MIPOL1: variants seen among roughly 807,000 people sequenced by gnomAD.
MIPOL1 encodes mirror-image polydactyly 1.
Under a neutral mutation model 60.9 loss-of-function variants are expected in MIPOL1, and 57 were observed. That is an observed-to-expected ratio of 0.94 (90% CI 0.76 to 1.17). The LOEUF is 1.17. Ranked by LOEUF, MIPOL1 falls within the 50% of genes most tolerant of loss-of-function variation. The pLI, the probability that MIPOL1 is intolerant of heterozygous loss-of-function variation, is 0.00. For synonymous variants in MIPOL1, 179 were observed against 168.8 expected (o/e 1.06, Z -0.47); for missense variants, 551 against 511.6 (o/e 1.08, Z -0.74).
At chr14:37,395,169 G>T (rs999072795) in intron 10 of MIPOL1, among the ~76,000 whole-genome samples, 2 of 152,146 alleles carry the variant, frequency 1.3e-5, no homozygotes, top group African/African-American at 4.8e-5. Context: ...TAGCCTTATA[G>T]TATAGTTTGA....
Position 37,500,126 on chromosome 14 carries a change from A to C in MIPOL1, c.1250A>C (p.Glu417Ala). 1 of 1,601,896 alleles carries C rather than the reference A, an allele frequency of 6.2e-7. No individual in the cohort carries two copies. Among genetic ancestry groups the C allele is most frequent in the Non-Finnish European group, 8.5e-7 (1 of 1,173,558 alleles). ...AGAGAGGCCTCCCAAGTGGCCAATGAAAAAGTTCAAAAGTAAGTTAAATGA... is the reference window on the plus strand; with the variant it reads ...AGAGAGGCCTCCCAAGTGGCCAATGCAAAAGTTCAAAAGTAAGTTAAATGA... ...HAREASQVAN[E>A]KVQKLERLVD... Residue 417 changes from glutamate (E) to alanine (A), a missense_variant, in exon 12 of 13, where the codon GAA (glutamate) becomes GCA (alanine). Coordinates refer to ENST00000684589, the MANE Select transcript of MIPOL1 (RefSeq NM_001388067.1).
At chr14:37,404,985 TTC>T (rs2093560148) in intron 10 of MIPOL1, among the ~76,000 whole-genome samples, 1 of 152,200 alleles carries the variant, frequency 6.6e-6, no homozygotes, top group Non-Finnish European at 1.5e-5. Flanking sequence ...TTTCTCTTTT[TTC>T]TCTCTCCTCA....
At position 37,508,405 on chromosome 14, in the gene MIPOL1, T is replaced by C. The variant is rs146728067; in HGVS notation, c.1262+8267T>C. On this transcript the variant is annotated intron_variant, in intron 12 of 12. Coordinates refer to ENST00000684589, the MANE Select transcript of MIPOL1 (RefSeq NM_001388067.1). ...ATGGCTAGTTTGTATACTGAAATTG[T>C]TCTTCTTAAGATCACCAGTAATTTT... Among the ~76,000 whole-genome samples the C allele has an allele frequency of 1.1e-3, 169 of 152,276 alleles. 4 individuals are homozygous for C. The highest frequency in any genetic ancestry group is 3.9e-3 in the African/African-American group (160 of 41,554).
intron 6 of MIPOL1, among the ~76,000 whole-genome samples, chr14:37,271,978 A>G (rs1406676835): frequency 2.6e-5 from 4 of 151,624 alleles, no homozygotes; most frequent in Non-Finnish European, 5.9e-5. Context: ...AGCTAAGCAG[A>G]TACTTTACAT....
intron 12 of MIPOL1, among the ~76,000 whole-genome samples, chr14:37,522,274 G>T (rs1009092371): frequency 6.6e-6 from 1 of 152,000 alleles, no homozygotes; most frequent in Admixed American, 6.6e-5. Flanking sequence ...GTTACTTTAC[G>T]CATCTTCAAA....
intron 1 of MIPOL1, among the ~76,000 whole-genome samples, chr14:37,245,675 G>A (rs1973088390): frequency 6.6e-6 from 1 of 152,134 alleles, no homozygotes; most frequent in South Asian, 2.1e-4. Context: ...TTCTGCCAAG[G>A]ACCATTTGCA....
intron 3 of MIPOL1, among the ~76,000 whole-genome samples, chr14:37,250,070 A>G (rs1030430171): frequency 5.9e-5 from 9 of 152,170 alleles, no homozygotes; most frequent in Non-Finnish European, 4.4e-5. Flanking sequence ...GGAAAGTTTT[A>G]TGGTTGAAGA....
intron 11 of MIPOL1, among the ~76,000 whole-genome samples, chr14:37,479,245 A>T (rs763793076): frequency 6.6e-6 from 1 of 152,164 alleles, no homozygotes; most frequent in Non-Finnish European, 1.5e-5. Context: ...CACAATACAC[A>T]TTCTTCTCAA....
chr14:37,259,942 G>T (rs1366918157), intron 3 of MIPOL1, among the ~76,000 whole-genome samples: 4 of 151,914 alleles, frequency 2.6e-5, no homozygotes, highest in East Asian at 1.9e-4. Flanking sequence ...TATTCATATT[G>T]TCTGCCTCCC....
At position 37,430,329 on chromosome 14, in the gene MIPOL1, T is replaced by C. The variant is rs185825903; in HGVS notation, c.1031+7380T>C. ...ATTTGTTACCCCTTTATATGGTAGA[T>C]TAAATTTTTATTTAGTAACATTTAA... On this transcript the variant is annotated intron_variant, in intron 11 of 12. Transcript: ENST00000684589. Among the ~76,000 whole-genome samples the C allele has an allele frequency of 1.4e-3, 216 of 152,230 alleles. 1 individual carries two copies. The highest frequency in any genetic ancestry group is 2.5e-3 in the Non-Finnish European group (170 of 68,004).
intron 6 of MIPOL1, chr14:37,277,187 T>C (rs1284943338): frequency 6.6e-6 from 1 of 151,212 alleles, no homozygotes; most frequent in Non-Finnish European, 1.5e-5. Context: ...ATTTAAAACA[T>C]AAAAATAACA....
chr14:37,470,071 A>T (rs2094660632), intron 11 of MIPOL1, among the ~76,000 whole-genome samples: 1 of 152,184 alleles, frequency 6.6e-6, no homozygotes, highest in Admixed American at 6.5e-5. Context: ...TGCATGAACA[A>T]CTGAGTAGAT....
At chr14:37,544,399 A>G (rs1221291260) in intron 12 of MIPOL1, among the ~76,000 whole-genome samples, 3 of 152,194 alleles carry the variant, frequency 2.0e-5, no homozygotes, top group African/African-American at 2.4e-5. Flanking sequence ...CAGTTTCTTC[A>G]TATTTAAAAT....
At chr14:37,434,186 C>T (rs958757721) in intron 11 of MIPOL1, among the ~76,000 whole-genome samples, 2 of 152,166 alleles carry the variant, frequency 1.3e-5, no homozygotes, top group Non-Finnish European at 2.9e-5. Flanking sequence ...ACATCCTCTC[C>T]AGCCTCTGTT....
chr14:37,339,194 A>G (rs2090400971), intron 9 of MIPOL1, among the ~76,000 whole-genome samples: 3 of 152,232 alleles, frequency 2.0e-5, no homozygotes, highest in African/African-American at 7.2e-5. Context: ...AAAATCATCC[A>G]ATGACAACCT....
At chr14:37,423,095 G>T in intron 11 of MIPOL1, 146 bp downstream of exon 11, 2 of 553,582 alleles carry the variant, frequency 3.6e-6, no homozygotes, top group Non-Finnish European at 6.5e-6. Context: ...AAAAGATTCA[G>T]GCTTATAGTA....
At chr14:37,248,518 A>G (rs1018575617) in intron 3 of MIPOL1, among the ~76,000 whole-genome samples, 27 of 152,244 alleles carry the variant, frequency 1.8e-4, no homozygotes, top group Admixed American at 6.5e-4. Context: ...ATGCGGACAG[A>G]TACAGAGAAA....
chr14:37,535,185 G>C (rs1235006538), intron 12 of MIPOL1, among the ~76,000 whole-genome samples: 2 of 151,978 alleles, frequency 1.3e-5, no homozygotes, highest in Admixed American at 1.3e-4. Context: ...TGATTGGTGA[G>C]CTTCATTTTT....
At chr14:37,353,525 C>T (rs570990428) in intron 9 of MIPOL1, among the ~76,000 whole-genome samples, 1 of 152,156 alleles carries the variant, frequency 6.6e-6, no homozygotes, top group South Asian at 2.1e-4. Flanking sequence ...GGCTGTGAAT[C>T]CATCTGGTCC....
Sources: allele counts gnomAD v4.1 joint callset (sites outside exome capture counted in the v4.1 genomes callset), GRCh38; gene constraint gnomAD v4.1.1; transcripts MANE v1.5; gene names NCBI Gene and HGNC (gene_info 2026-07-23, HGNC 2026-07-21).